FBXO11: variants seen among roughly 807,000 people sequenced by gnomAD.
The protein encoded by FBXO11 is F-box protein 11, also known as F-box only protein 11.
In FBXO11, 13 loss-of-function variants were observed where a neutral mutation model predicts 117.0. The observed-to-expected ratio is 0.11, with a 90% CI of 0.07 to 0.18. FBXO11 has a LOEUF of 0.18. Among genes scored for constraint, FBXO11 ranks in the 10% least tolerant of loss-of-function variants. The probability of loss-of-function intolerance (pLI) is 1.00; values close to 1 mark genes in which losing one functional copy is unlikely to be tolerated. For missense variants in FBXO11, 767 were observed against 1,164.4 expected (o/e 0.66, Z 4.97); for synonymous variants, 490 against 380.5 (o/e 1.29, Z -3.35).
intron 1 of FBXO11, among the ~76,000 whole-genome samples, chr2:47,847,016 G>C (rs1267002541): frequency 6.6e-6 from 1 of 152,192 alleles, no homozygotes; most frequent in African/African-American, 2.4e-5. Flanking sequence ...AGGCCAAGGA[G>C]GCACTTCATC....
At chr2:47,851,710 T>C (rs1366854261) in intron 1 of FBXO11, among the ~76,000 whole-genome samples, 1 of 152,198 alleles carries the variant, frequency 6.6e-6, no homozygotes, top group African/African-American at 2.4e-5. Flanking sequence ...GCACACAGTT[T>C]AAAAGAAAAC....
At chr2:47,827,253 G>C (rs1251310877) in intron 11 of FBXO11, among the ~76,000 whole-genome samples, 2 of 152,158 alleles carry the variant, frequency 1.3e-5, no homozygotes, top group African/African-American at 2.4e-5. Context: ...AATTTTGCAA[G>C]AAAACTTATT....
At chr2:47,848,929 G>C (rs1273850524) in intron 1 of FBXO11, among the ~76,000 whole-genome samples, 2 of 152,146 alleles carry the variant, frequency 1.3e-5, no homozygotes, top group African/African-American at 4.8e-5. Context: ...AGGTTATAAA[G>C]TTAAGAGTAG....
chr2:47,876,308 C>T (rs1676001777), intron 1 of FBXO11, among the ~76,000 whole-genome samples: 1 of 152,188 alleles, frequency 6.6e-6, no homozygotes, highest in African/African-American at 2.4e-5. Context: ...TATGTATTTG[C>T]AATCAACTCA....
intron 1 of FBXO11, among the ~76,000 whole-genome samples, chr2:47,886,389 C>T (rs539055229): frequency 6.6e-6 from 1 of 151,864 alleles, no homozygotes; most frequent in African/African-American, 2.4e-5. Flanking sequence ...GCCTGTAATC[C>T]CAGCTACTCA....
intron 16 of FBXO11, among the ~76,000 whole-genome samples, chr2:47,815,858 G>A (rs1254957750): frequency 6.6e-6 from 1 of 152,188 alleles, no homozygotes; most frequent in Non-Finnish European, 1.5e-5. Context: ...CTGTGGCTCA[G>A]CAGGGATGTG....
chr2:47,834,525 A>T, intron 7 of FBXO11, 54 bp downstream of exon 7: 4 of 1,355,940 alleles, frequency 2.9e-6, no homozygotes, highest in Non-Finnish European at 4.0e-6. Flanking sequence ...TTAAAATCCT[A>T]TCACATAAAT....
At chr2:47,811,852 C>A (rs1670636277) in intron 18 of FBXO11, among the ~76,000 whole-genome samples, 1 of 152,188 alleles carries the variant, frequency 6.6e-6, no homozygotes, top group African/African-American at 2.4e-5. Flanking sequence ...AGTGATACTC[C>A]TGCCTTAGCC....
intron 1 of FBXO11, among the ~76,000 whole-genome samples, chr2:47,896,675 C>T (rs950255305): frequency 6.6e-6 from 1 of 152,070 alleles, no homozygotes; most frequent in African/African-American, 2.4e-5. Context: ...GCCTAAAATA[C>T]CAAAATTTGA....
At chr2:47,835,679 G>A (rs1672505060) in intron 5 of FBXO11, among the ~76,000 whole-genome samples, 193 bp downstream of exon 5, 1 of 152,098 alleles carries the variant, frequency 6.6e-6, no homozygotes, top group African/African-American at 2.4e-5. Context: ...TGTATTTTTA[G>A]AAGAGATGGA....
At chr2:47,856,607 T>C (rs1674314334) in intron 1 of FBXO11, among the ~76,000 whole-genome samples, 1 of 152,244 alleles carries the variant, frequency 6.6e-6, no homozygotes, top group African/African-American at 2.4e-5. Context: ...AATAATCTTT[T>C]GAGTGGCCTA....
At position 47,905,582 on chromosome 2, in the gene FBXO11, G is replaced by C; in HGVS notation, c.139C>G (p.Pro47Ala). 2 of 1,262,594 alleles carry C rather than the reference G, an allele frequency of 1.6e-6. No homozygotes were observed. Among genetic ancestry groups the C allele is most frequent in the Non-Finnish European group, 2.0e-6 (2 of 1,008,430 alleles). The allele number at this position is 1,262,594 out of a possible 1,614,324, so 78.2% of individuals were successfully genotyped here. ...TGCTGCTGCTGCTGCTGCGGCGGCGGCGGAGGCTGCTGCTGGGGCGGCTGC... is the reference window on the plus strand; with the variant it reads ...TGCTGCTGCTGCTGCTGCGGCGGCGCCGGAGGCTGCTGCTGGGGCGGCTGC... ...QQQPPQQQPP[P>A]PPQQQQQQQP... The change falls in exon 1 of 23, where the codon CCG (proline) becomes GCG (alanine). Residue 47 changes from proline to alanine, a missense_variant. Transcript: ENST00000403359.
intron 1 of FBXO11, among the ~76,000 whole-genome samples, chr2:47,858,413 G>T (rs1259405193): frequency 6.7e-6 from 1 of 150,334 alleles, no homozygotes; most frequent in African/African-American, 2.4e-5. Flanking sequence ...CAGGCGTGGT[G>T]ACTCACGCCT....
chr2:47,827,775 C>T (rs1041686561), intron 11 of FBXO11, among the ~76,000 whole-genome samples: 3 of 151,408 alleles, frequency 2.0e-5, no homozygotes, highest in South Asian at 4.2e-4. Flanking sequence ...TGGTTCATTG[C>T]AACCTCCAAA....
rs762065265 is a variant in FBXO11 at position 47,835,966 on chromosome 2, C to A, written c.623G>T (p.Arg208Leu). Reference protein sequence around the residue: ...RLYMEVFEYTRPMMHPEPGKF... With the variant: ...RLYMEVFEYTLPMMHPEPGKF... Reference sequence around the variant, plus strand: ...TCCAGGTTCAGGATGCATCATAGGGCGAGTATATTCAAATACTTCCATATA... The same window carrying A: ...TCCAGGTTCAGGATGCATCATAGGGAGAGTATATTCAAATACTTCCATATA... Residue 208 changes from arginine to leucine, a missense_variant, in exon 5 of 23, where the codon CGC (arginine) becomes CTC (leucine). Physicochemically the swap from Arg to Leu is moderately radical, Grantham distance 102. Transcript: ENST00000403359. 6.2e-7 allele frequency: 1 copy of A among 1,609,670 alleles called. No homozygotes were observed.
Position 47,808,097 on chromosome 2 carries a change from C to G in FBXO11, c.*21G>C. 2 of 1,590,422 alleles carry G rather than the reference C, an allele frequency of 1.3e-6. No individual in the cohort carries two copies. The highest frequency in any genetic ancestry group is 1.7e-6 in the Non-Finnish European group (2 of 1,170,526). ...AAGTTATGATGTTACAATGGCAGGA[C>G]TTTTTCTTTAGGGAAGGAATTCAGT... On this transcript the variant is annotated 3_prime_UTR_variant, in exon 23 of 23. Coordinates refer to ENST00000403359, the MANE Select transcript of FBXO11 (RefSeq NM_001190274.2).
At chr2:47,897,138 T>G (rs375587979) in intron 1 of FBXO11, among the ~76,000 whole-genome samples, 26 of 152,350 alleles carry the variant, frequency 1.7e-4, no homozygotes, top group African/African-American at 6.3e-4. Context: ...AGTTACATGC[T>G]CTTCCTCTTC....
At chr2:47,828,953 C>T (rs913042608) in intron 11 of FBXO11, among the ~76,000 whole-genome samples, 1 of 152,140 alleles carries the variant, frequency 6.6e-6, no homozygotes, top group Non-Finnish European at 1.5e-5. Context: ...ACTCCTCTGT[C>T]GCCCAGGCTG....
chr2:47,866,977 T>G (rs1235824897), intron 1 of FBXO11, among the ~76,000 whole-genome samples: 1 of 152,150 alleles, frequency 6.6e-6, no homozygotes, highest in Non-Finnish European at 1.5e-5. Context: ...AAAAACAGAG[T>G]TGCAATATCT....
Sources: gnomAD v4.1 joint callset for allele counts (sites outside exome capture counted in the v4.1 genomes callset) on GRCh38, gnomAD v4.1.1 for gene constraint, MANE v1.5 for transcripts, NCBI Gene and HGNC (gene_info 2026-07-23, HGNC 2026-07-21) for gene names.